The following NBEA variants were observed in gnomAD, a reference collection of about 807,000 sequenced individuals.
The protein encoded by NBEA is lysosomal-trafficking regulator 2.
In NBEA, 44 loss-of-function variants were observed where a neutral mutation model predicts 343.4. The observed-to-expected ratio is 0.13, with a 90% CI of 0.10 to 0.16. The LOEUF is 0.16. Among genes scored for constraint, NBEA ranks in the 10% least tolerant of loss-of-function variants. The probability of loss-of-function intolerance (pLI) is 1.00; values close to 1 mark genes in which losing one functional copy is unlikely to be tolerated. For synonymous variants in NBEA, 1,175 were observed against 1,238.7 expected (o/e 0.95, Z 1.08); for missense variants, 2,555 against 3,631.3 (o/e 0.70, Z 7.62).
At chr13:35,351,790 T>C (rs1455030448) in intron 37 of NBEA, among the ~76,000 whole-genome samples, 3 of 152,016 alleles carry the variant, frequency 2.0e-5, no homozygotes, top group Non-Finnish European at 2.9e-5. Flanking sequence ...CATATGTAAT[T>C]ATCAGGAACA....
chr13:35,594,243 C>A (rs1283408825), intron 47 of NBEA, among the ~76,000 whole-genome samples: 1 of 151,960 alleles, frequency 6.6e-6, no homozygotes, highest in Non-Finnish European at 1.5e-5. Context: ...TACTGTCACT[C>A]AGTACAAAAA....
At chr13:35,404,016 G>A (rs1407458715) in intron 38 of NBEA, among the ~76,000 whole-genome samples, 3 of 72,366 alleles carry the variant, frequency 4.1e-5, no homozygotes, top group Non-Finnish European at 4.3e-5. Context: ...ATCATCACTG[G>A]CCATCAGAGA....
At position 35,452,109 on chromosome 13, in the gene NBEA, G is replaced by A. The variant is rs1391851408; in HGVS notation, c.6322G>A (p.Val2108Ile). The A allele has an allele frequency of 6.2e-7, 1 of 1,612,422 alleles. No homozygotes were observed. The highest frequency in any genetic ancestry group is 1.1e-5 in the South Asian group (1 of 90,718). ...AIEYGTEEDV[V>I]KSKKTFRSQA... ...GTGATTAGGCACGGAAGAAGATGTAGTAAAGTCAAAGAAAACATTCAGAAG... is the reference window on the plus strand; with the variant it reads ...GTGATTAGGCACGGAAGAAGATGTAATAAAGTCAAAGAAAACATTCAGAAG... The change falls in exon 40 of 59, where the codon GTA becomes ATA. Residue 2108 changes from valine to isoleucine, a missense_variant. By Grantham distance (29) the Val-to-Ile change is conservative. Coordinates refer to ENST00000379939, the MANE Select transcript of NBEA (RefSeq NM_001385012.1).
chr13:35,202,890 T>C (rs999677256), intron 31 of NBEA, among the ~76,000 whole-genome samples: 2 of 152,128 alleles, frequency 1.3e-5, no homozygotes, highest in African/African-American at 4.8e-5. Context: ...TTAAGGCAAA[T>C]TTTTTTGCAT....
At chr13:34,995,488 A>T (rs1394500129) in intron 1 of NBEA, among the ~76,000 whole-genome samples, 5 of 152,166 alleles carry the variant, frequency 3.3e-5, no homozygotes, top group Non-Finnish European at 5.9e-5. Flanking sequence ...AGCAAAAAAC[A>T]AACAAACAAA....
At chr13:35,044,441 G>T (rs547327122) in intron 2 of NBEA, among the ~76,000 whole-genome samples, 1 of 152,200 alleles carries the variant, frequency 6.6e-6, no homozygotes, top group South Asian at 2.1e-4. Flanking sequence ...AATTGCTAAT[G>T]GGCCAAGGAA....
intron 34 of NBEA, among the ~76,000 whole-genome samples, chr13:35,272,453 G>T (rs1233444661): frequency 1.3e-5 from 2 of 152,002 alleles, no homozygotes; most frequent in African/African-American, 4.8e-5. Flanking sequence ...TCAACTAACA[G>T]GCAAAGTAAC....
At chr13:35,399,076 T>C (rs756571196) in intron 38 of NBEA, among the ~76,000 whole-genome samples, 1 of 152,132 alleles carries the variant, frequency 6.6e-6, no homozygotes, top group Non-Finnish European at 1.5e-5. Context: ...AGTATGGAGA[T>C]GGCTTCTTTC....
intron 41 of NBEA, chr13:35,476,019 G>C: frequency 6.2e-7 from 1 of 1,614,194 alleles, no homozygotes; most frequent in Non-Finnish European, 8.5e-7. Flanking sequence ...CCTTCAGTAC[G>C]TCGGAAACTA....
chr13:35,204,522 T>C (rs1044275969), intron 31 of NBEA, among the ~76,000 whole-genome samples: 2 of 152,080 alleles, frequency 1.3e-5, no homozygotes, highest in African/African-American at 4.8e-5. Flanking sequence ...CGTGATTCAA[T>C]TACCTGCCTG....
rs531135670 is a variant in NBEA, at chr13:35,217,366, A to T, written c.5648+6187A>T. 3.3e-3 allele frequency among the ~76,000 whole-genome samples: 503 copies of T among 151,878 alleles called. 3 individuals are homozygous for T. Among genetic ancestry groups the T allele is most frequent in the African/African-American group, 0.012 (478 of 41,456 alleles). On this transcript the variant is annotated intron_variant, in intron 33 of 58. Coordinates refer to ENST00000379939, the MANE Select transcript of NBEA (RefSeq NM_001385012.1). ...GGTTTTTTAGCAGAGAAAAATTTAA[A>T]TTTTTTTTAATCTGGCTTGTCAGAT...
chr13:35,469,750 C>T (rs1248769079), intron 40 of NBEA, among the ~76,000 whole-genome samples: 1 of 152,196 alleles, frequency 6.6e-6, no homozygotes, highest in Non-Finnish European at 1.5e-5. Context: ...TGTGTAGTTA[C>T]TTAAGTTATC....
At chr13:35,453,024 T>G (rs1403111470) in intron 40 of NBEA, among the ~76,000 whole-genome samples, 3 of 152,196 alleles carry the variant, frequency 2.0e-5, no homozygotes, top group Non-Finnish European at 4.4e-5. Flanking sequence ...CTTAGTTCTA[T>G]ACTTGCAGCC....
At chr13:35,065,992 C>T (rs1018688355) in intron 8 of NBEA, among the ~76,000 whole-genome samples, 16 of 151,962 alleles carry the variant, frequency 1.1e-4, no homozygotes, top group African/African-American at 3.9e-4. Flanking sequence ...CAGGGTCTCT[C>T]CTTCTGTCAC....
chr13:35,121,627 C>A lies in NBEA; in HGVS notation c.2244-1855C>A, dbSNP rs527734396. 2.0e-5 allele frequency among the ~76,000 whole-genome samples: 3 copies of A among 151,460 alleles called. No homozygotes were observed. The South Asian group carries it at 6.3e-4, about 32-fold the overall frequency. On this transcript the variant is annotated intron_variant, in intron 16 of 58. Coordinates refer to ENST00000379939, the MANE Select transcript of NBEA (RefSeq NM_001385012.1). ...ATGTGGGATTTGAAAAAAAAATCTT[C>A]CAAAGGAAATAATCACTTTTCTCAT...
chr13:35,476,051 T>G (rs753740350), intron 41 of NBEA: 1 of 1,614,160 alleles, frequency 6.2e-7, no homozygotes, highest in Non-Finnish European at 8.5e-7. Flanking sequence ...TCCCGGATAG[T>G]TTTGGCAATG....
At chr13:35,547,950 C>G (rs2079137568) in intron 41 of NBEA, among the ~76,000 whole-genome samples, 1 of 152,028 alleles carries the variant, frequency 6.6e-6, no homozygotes. Flanking sequence ...CAGAAACACT[C>G]TGCTACAGAA....
chr13:35,264,132 A>G (rs1422702943), intron 34 of NBEA, among the ~76,000 whole-genome samples: 1 of 151,894 alleles, frequency 6.6e-6, no homozygotes, highest in Admixed American at 6.6e-5. Context: ...ATGAATAACT[A>G]TATGCCAACA....
intron 40 of NBEA, among the ~76,000 whole-genome samples, chr13:35,468,829 C>T (rs375868699): frequency 3.3e-5 from 5 of 151,978 alleles, no homozygotes; most frequent in East Asian, 1.9e-4. Flanking sequence ...CCGTGCACAG[C>T]GGCTCATGCC....
Sources: allele counts gnomAD v4.1 joint callset (sites outside exome capture counted in the v4.1 genomes callset), GRCh38; gene constraint gnomAD v4.1.1; transcripts MANE v1.5; gene names NCBI Gene and HGNC (gene_info 2026-07-23, HGNC 2026-07-21).